The following FBXO34 variants were observed in gnomAD, a reference collection of about 807,000 sequenced individuals.
FBXO34 encodes F-box only protein 34.
A neutral mutation model predicts 24.5 loss-of-function variants in FBXO34; 12 were observed. The ratio of observed to expected loss-of-function variants is 0.49; its 90% CI spans 0.31 to 0.79. The LOEUF is 0.79. Ranked by LOEUF, FBXO34 falls within the 30% of genes least tolerant of loss-of-function variation. The pLI is 0.04. For missense variants in FBXO34, 823 were observed against 857.7 expected, an observed-to-expected ratio of 0.96 and a Z score of 0.51; for synonymous variants, 320 against 311.9, an observed-to-expected ratio of 1.03 and a Z score of -0.27.
the FBXO34 span, among the ~76,000 whole-genome samples, chr14:55,419,397 G>A: frequency 2.0e-5 from 3 of 152,214 alleles, no homozygotes; most frequent in Admixed American, 2.0e-4. Context: ...CCTGATCTTA[G>A]AAGTGGAAGT....
At chr14:55,331,204 A>G (rs1212322698) in intron 1 of FBXO34, among the ~76,000 whole-genome samples, 10 of 152,276 alleles carry the variant, frequency 6.6e-5, no homozygotes, top group East Asian at 1.9e-4. Flanking sequence ...TTTGAGCACA[A>G]TTCCAGTGTT....
chr14:55,351,436 A>T lies in FBXO34; in HGVS notation c.1046A>T (p.Asp349Val). ...AATCCTGTGGGGTCTGTATCTGTGGATTGTGGCCCTTCAAGAGCTGATCGT... is the reference window on the plus strand; with the variant it reads ...AATCCTGTGGGGTCTGTATCTGTGGTTTGTGGCCCTTCAAGAGCTGATCGT... ...QVNPVGSVSV[D>V]CGPSRADRCS... is the part of the protein sequence containing the mutation. Residue 349 changes from aspartate (D) to valine (V), a missense_variant, in exon 2 of 2, where the codon GAT (aspartate) becomes GTT (valine). Physicochemically the swap from Asp to Val is radical, Grantham distance 152. This residue lies in a region of FBXO34 where 693 missense variants were observed against 659.1 expected (regional missense o/e 1.05). Transcript: ENST00000313833. 1.2e-6 allele frequency: 2 copies of T among 1,614,146 alleles called. No individual in the cohort carries two copies. Among genetic ancestry groups the T allele is most frequent in the East Asian group, 2.2e-5 (1 of 44,876 alleles).
chr14:55,284,928 C>G (rs1288529452), intron 1 of FBXO34, among the ~76,000 whole-genome samples: 1 of 149,602 alleles, frequency 6.7e-6, no homozygotes, highest in African/African-American at 2.4e-5. Flanking sequence ...TACCTTGGTT[C>G]TTACTGCAGT....
At chr14:55,315,849 C>A (rs190998999) in intron 1 of FBXO34, among the ~76,000 whole-genome samples, 1 of 152,266 alleles carries the variant, frequency 6.6e-6, no homozygotes, top group Admixed American at 6.5e-5. Context: ...GAATCCTTTC[C>A]ATCATTGTGA....
chr14:55,442,261 C>G, the FBXO34 span, among the ~76,000 whole-genome samples: 3 of 151,048 alleles, frequency 2.0e-5, no homozygotes, highest in Non-Finnish European at 1.5e-5. Context: ...TGGTAGTGTG[C>G]GCCTGTAATC....
chr14:55,385,027 G>A, the FBXO34 span, among the ~76,000 whole-genome samples: 11 of 152,178 alleles, frequency 7.2e-5, no homozygotes, highest in Non-Finnish European at 1.6e-4. Context: ...GCCTAAGACC[G>A]AAGTCACGGT....
At chr14:55,441,631 G>C in the FBXO34 span, among the ~76,000 whole-genome samples, 1 of 152,160 alleles carries the variant, frequency 6.6e-6, no homozygotes, top group Non-Finnish European at 1.5e-5. Context: ...GCACAGTTAG[G>C]GTTGAGGAAA....
rs781782693 is a variant in FBXO34, at chr14:55,352,013, A to G, written c.1623A>G (p.Thr541=). 11 of 1,614,056 alleles carry G rather than the reference A, an allele frequency of 6.8e-6. No individual in the cohort carries two copies. The South Asian group carries it at 9.9e-5, about 14-fold the overall frequency. Reference sequence around the variant, plus strand: ...TGCCAGCCTCTTCTGTGGAAAGTACATTACCAGTGCTTGAGGCATCCAGTT... The same window carrying G: ...TGCCAGCCTCTTCTGTGGAAAGTACGTTACCAGTGCTTGAGGCATCCAGTT... ...FVLPASSVES[T]LPVLEASSWK... The change falls in exon 2 of 2, where the codon ACA becomes ACG. Residue 541 remains threonine (T), a synonymous_variant. Transcript: ENST00000313833.
chr14:55,278,594 A>G (rs1483681616), intron 1 of FBXO34, among the ~76,000 whole-genome samples: 2 of 152,196 alleles, frequency 1.3e-5, no homozygotes, highest in African/African-American at 4.8e-5. Context: ...ACCTCATGCT[A>G]TCAAGTCCAG....
At chr14:55,354,083 CG>C (rs549401591), downstream of FBXO34, among the ~76,000 whole-genome samples, 146 of 152,230 alleles carry the variant, frequency 9.6e-4, no homozygotes, top group African/African-American at 3.4e-3. Context: ...CTAGGGGAGG[CG>C]CTGTGCTGGG....
chr14:55,382,273 C>A, the FBXO34 span: 2 of 1,231,486 alleles, frequency 1.6e-6, no homozygotes, highest in East Asian at 2.4e-5. Context: ...CATGCTAGAA[C>A]ATCGAAAAGC....
At chr14:55,349,602 A>ATTTTTTTTTTT (rs1555339656) in intron 1 of FBXO34, among the ~76,000 whole-genome samples, 1 of 90,370 alleles carries the variant, frequency 1.1e-5, no homozygotes, top group East Asian at 3.0e-4. Flanking sequence ...GGAAGCAATA[A>ATTTTTTTTTTT]TTTTCTTTTT....
the FBXO34 span, chr14:55,438,663 T>C: frequency 6.6e-6 from 1 of 152,220 alleles, no homozygotes; most frequent in Non-Finnish European, 1.5e-5. Context: ...TGTTTTATGG[T>C]AATGGAAACT....
chr14:55,424,312 C>G, the FBXO34 span: 6 of 1,082,534 alleles, frequency 5.5e-6, no homozygotes, highest in African/African-American at 9.4e-5. Context: ...TTTCCCATAA[C>G]ATGTAAGGCC....
At chr14:55,376,200 T>C in the FBXO34 span, among the ~76,000 whole-genome samples, 1 of 152,228 alleles carries the variant, frequency 6.6e-6, no homozygotes, top group Admixed American at 6.5e-5. Flanking sequence ...TAAGCGTCAG[T>C]TTCTCCTGTC....
At chr14:55,291,718 C>T (rs1294831632) in intron 1 of FBXO34, among the ~76,000 whole-genome samples, 1 of 152,036 alleles carries the variant, frequency 6.6e-6, no homozygotes. Context: ...CACCTGTAAT[C>T]CCAGTGCTTT....
intron 1 of FBXO34, among the ~76,000 whole-genome samples, chr14:55,335,732 T>C (rs377028429): frequency 1.3e-5 from 2 of 152,218 alleles, no homozygotes; most frequent in Admixed American, 6.5e-5. Flanking sequence ...TATTATACTT[T>C]TAATCAATCA....
chr14:55,338,210 C>T (rs1263897890), intron 1 of FBXO34, among the ~76,000 whole-genome samples: 3 of 151,768 alleles, frequency 2.0e-5, no homozygotes, highest in African/African-American at 7.3e-5. Flanking sequence ...CCACCACACC[C>T]AGCTAATTTT....
intron 1 of FBXO34, among the ~76,000 whole-genome samples, chr14:55,321,416 T>C (rs1456800527): frequency 6.6e-6 from 1 of 152,090 alleles, no homozygotes; most frequent in Non-Finnish European, 1.5e-5. Context: ...GTTTCTTTTT[T>C]TTTTTTTGGA....
Sources: gnomAD v4.1 joint callset for allele counts (sites outside exome capture counted in the v4.1 genomes callset) on GRCh38, gnomAD v4.1.1 for gene constraint, gnomAD v4.1.1 regional missense constraint, MANE v1.5 for transcripts, NCBI Gene and HGNC (gene_info 2026-07-23, HGNC 2026-07-21) for gene names.